Variants in MYOCD observed in about 807,000 individuals in gnomAD.
MYOCD encodes the protein myocardin.
Under a neutral mutation model 96.1 loss-of-function variants are expected in MYOCD, and 32 were observed. The observed-to-expected ratio is 0.33, with a 90% confidence interval of 0.25 to 0.45. The LOEUF (loss-of-function observed/expected upper bound fraction) is 0.45. MYOCD is among the 20% of genes least tolerant of loss of function. MYOCD has a pLI of 1.00. For missense variants in MYOCD, 1,133 were observed against 1,200.6 expected, an observed-to-expected ratio of 0.94 and a Z score of 0.83; for synonymous variants, 469 against 469.0, an observed-to-expected ratio of 1.00 and a Z score of 0.00.
chr17:12,696,069 G>T, intron 1 of MYOCD, among the ~76,000 whole-genome samples: 1 of 151,932 alleles, frequency 6.6e-6, no homozygotes, highest in Non-Finnish European at 1.5e-5. Flanking sequence ...TGTTGTTGTT[G>T]TTGTTTTAGA....
At chr17:12,700,907 T>C (rs574281807) in intron 1 of MYOCD, among the ~76,000 whole-genome samples, 490 of 152,258 alleles carry the variant, frequency 3.2e-3, no homozygotes, top group African/African-American at 0.011. Context: ...TGTATGTGTG[T>C]GTATGTGTGT....
intron 7 of MYOCD, among the ~76,000 whole-genome samples, chr17:12,741,017 C>T (rs765932608): frequency 3.6e-4 from 46 of 126,770 alleles, no homozygotes; most frequent in Non-Finnish European, 5.7e-4. Flanking sequence ...GGATTACAGG[C>T]GTAAGCCACC....
chr17:12,767,778 C>T lies in MYOCD; in HGVS notation c.*4134C>T, dbSNP rs914782316. 13 of 152,106 alleles carry T rather than the reference C, an allele frequency of 8.5e-5. No homozygotes were observed. Among genetic ancestry groups the T allele is most frequent in the Non-Finnish European group, 7.3e-5 (5 of 68,028 alleles). 9.4% of individuals were successfully genotyped at this position (152,106 alleles called of 1,614,324 possible). ...TATCTCCCATCATTTAAAACATCCA[C>T]GAGAGTTTGAAGATTTGTGTTGATT... On this transcript the variant is annotated 3_prime_UTR_variant, in exon 14 of 14. Transcript: ENST00000425538.
At chr17:12,698,533 A>G (rs1054790494) in intron 1 of MYOCD, among the ~76,000 whole-genome samples, 1 of 152,184 alleles carries the variant, frequency 6.6e-6, no homozygotes, top group African/African-American at 2.4e-5. Flanking sequence ...AACAGCAAGC[A>G]ATGCTTTCAC....
At chr17:12,695,712 T>C (rs1440891465) in intron 1 of MYOCD, among the ~76,000 whole-genome samples, 1 of 152,216 alleles carries the variant, frequency 6.6e-6, no homozygotes, top group African/African-American at 2.4e-5. Context: ...TGTGGTATAA[T>C]ACACATAAAA....
rs1170374634 is a variant in MYOCD, at chr17:12,752,712, T to C, written c.1424T>C (p.Phe475Ser). 1 of 1,614,162 alleles carries C rather than the reference T, an allele frequency of 6.2e-7. No individual in the cohort carries two copies. Among genetic ancestry groups the C allele is most frequent in the Admixed American group, 1.7e-5 (1 of 60,012 alleles). The change falls in exon 10 of 14, where the codon TTC (phenylalanine) becomes TCC (serine). Residue 475 changes from phenylalanine (F) to serine (S), a missense_variant. Phe to Ser is a radical substitution (Grantham distance 155). Transcript: ENST00000425538. ...GTCGCTGGGTCCCTGCCGGACACCT[T>C]CAATGATGCCTCCCCCTCCTTCGGC... ...LSVAGSLPDTFNDASPSFGLH... is the reference protein window; with the variant it reads ...LSVAGSLPDTSNDASPSFGLH...
At chr17:12,754,997 T>C (rs1032438643) in intron 10 of MYOCD, among the ~76,000 whole-genome samples, 2 of 152,162 alleles carry the variant, frequency 1.3e-5, no homozygotes, top group Admixed American at 1.3e-4. Context: ...AAGTGGAATA[T>C]CTCCACCCCA....
intron 1 of MYOCD, among the ~76,000 whole-genome samples, chr17:12,684,302 T>C (rs1351860045): frequency 6.6e-6 from 1 of 152,164 alleles, no homozygotes; most frequent in Non-Finnish European, 1.5e-5. Flanking sequence ...TCCTAAAATG[T>C]CAATGTTACT....
In MYOCD at chr17:12,739,295, C is replaced by G. The variant is rs868153069; in HGVS notation, c.684C>G (p.Pro228=). ...CGGGGAAGCAGGGGCTTGGCCCCCC[C>G]AGCACCCCCATAGCCGTGCATGCTG... ...SDAGKQGLGP[P]STPIAVHAAV... is the part of the protein sequence containing the mutation. The change falls in exon 7 of 14, where the codon CCC becomes CCG. Residue 228 remains proline (P), a synonymous_variant. Transcript: ENST00000425538. The G allele has an allele frequency of 6.2e-7, 1 of 1,608,180 alleles. No individual in the cohort carries two copies. Among genetic ancestry groups the G allele is most frequent in the Admixed American group, 1.7e-5 (1 of 58,814 alleles).
At chr17:12,754,061 G>GGGGTGTGTGT (rs368449638) in intron 10 of MYOCD, among the ~76,000 whole-genome samples, 57 of 149,588 alleles carry the variant, frequency 3.8e-4, no homozygotes, top group Non-Finnish European at 7.1e-4. Context: ...AAAGCAAAGA[G>GGGGTGTGTGT]GTGTGTGTGT....
intron 1 of MYOCD, among the ~76,000 whole-genome samples, chr17:12,668,826 G>A (rs190265538): frequency 4.1e-4 from 63 of 152,198 alleles, no homozygotes; most frequent in African/African-American, 1.3e-3. Flanking sequence ...AGAGAACTTC[G>A]AAAATGCCCA....
chr17:12,680,681 A>G (rs1467218931), intron 1 of MYOCD, among the ~76,000 whole-genome samples: 1 of 152,212 alleles, frequency 6.6e-6, no homozygotes, highest in Non-Finnish European at 1.5e-5. Flanking sequence ...AAAGCCTCAG[A>G]GAGGAATCTT....
In MYOCD at chr17:12,707,588, C is replaced by T. The variant is rs146331327; in HGVS notation, c.121+2395C>T. Among the ~76,000 whole-genome samples the T allele has an allele frequency of 5.2e-3, 796 of 152,222 alleles. 6 individuals are homozygous for T. Among genetic ancestry groups the T allele is most frequent in the African/African-American group, 0.018 (734 of 41,538 alleles). The stretch of plus-strand genomic sequence containing the variant: ...AATTAGCCAGGTGTGGTGGCAGGCA[C>T]CTGTAGTCCCAGCTACTCGGGAGGC... On this transcript the variant is annotated intron_variant, in intron 2 of 13. Coordinates refer to ENST00000425538, the MANE Select transcript of MYOCD (RefSeq NM_001146312.3).
Position 12,752,974 on chromosome 17 carries a change from G to T in MYOCD, c.1686G>T (p.Pro562=), listed in dbSNP as rs920390791. Residue 562 remains proline, a synonymous_variant, in exon 10 of 14, where the codon CCG becomes CCT. Coordinates refer to ENST00000425538, the MANE Select transcript of MYOCD (RefSeq NM_001146312.3). ...GGAATAACTGTTCAGAGAAGAAGCCGCTGCCTTTCCTGGCTGCCTCCATCA... is the reference window on the plus strand; with the variant it reads ...GGAATAACTGTTCAGAGAAGAAGCCTCTGCCTTTCCTGGCTGCCTCCATCA... ...QKRNNCSEKK[P]LPFLAASIKQ... 1 of 1,614,122 alleles carries T rather than the reference G, an allele frequency of 6.2e-7. No individual in the cohort carries two copies. Among genetic ancestry groups the T allele is most frequent in the Admixed American group, 1.7e-5 (1 of 60,012 alleles).
At position 12,702,504 on chromosome 17, in the gene MYOCD, C is replaced by T. The variant is rs369985508; in HGVS notation, c.56-2624C>T. ...GCCTTTATAAATTCTTTCTGATACA[C>T]TCTGTTTTATTTGAGCATTTCAACT... On this transcript the variant is annotated intron_variant, in intron 1 of 13. Transcript: ENST00000425538. Among the ~76,000 whole-genome samples the T allele has an allele frequency of 2.4e-4, 37 of 152,034 alleles. No homozygotes were observed. The South Asian group carries it at 7.5e-3, about 31-fold the overall frequency.
chr17:12,693,318 A>C (rs1017904567), intron 1 of MYOCD, among the ~76,000 whole-genome samples: 25 of 152,034 alleles, frequency 1.6e-4, no homozygotes, highest in Non-Finnish European at 2.8e-4. Context: ...AACAAACAAA[A>C]AAAACCATAG....
Position 12,741,640 on chromosome 17 carries a change from G to T in MYOCD, c.717+2312G>T, listed in dbSNP as rs12938872. 4.5e-4 allele frequency among the ~76,000 whole-genome samples: 68 copies of T among 151,600 alleles called. No homozygotes were observed. The East Asian group carries it at 6.2e-3, about 14-fold the overall frequency. Reference sequence around the variant, plus strand: ...AGGATAATCGCTTGAACCCAGGAGGGGGTGGTGGCAGTGAGCCGAGATCGC... The same window carrying T: ...AGGATAATCGCTTGAACCCAGGAGGTGGTGGTGGCAGTGAGCCGAGATCGC... On this transcript the variant is annotated intron_variant, in intron 7 of 13. Coordinates refer to ENST00000425538, the MANE Select transcript of MYOCD (RefSeq NM_001146312.3).
intron 1 of MYOCD, among the ~76,000 whole-genome samples, chr17:12,677,183 C>T (rs886927280): frequency 1.3e-5 from 2 of 152,106 alleles, no homozygotes. Flanking sequence ...TTCTCACTTA[C>T]AAGTGGGAGC....
At chr17:12,719,854 C>A (rs1191642183) in intron 4 of MYOCD, among the ~76,000 whole-genome samples, 2 of 121,724 alleles carry the variant, frequency 1.6e-5, no homozygotes, top group African/African-American at 3.1e-5. Context: ...GTGACAAGAG[C>A]GAGACTCAGT....
Sources: allele counts gnomAD v4.1 joint callset (sites outside exome capture counted in the v4.1 genomes callset), GRCh38; gene constraint gnomAD v4.1.1; transcripts MANE v1.5; gene names NCBI Gene and HGNC (gene_info 2026-07-23, HGNC 2026-07-21).